Variants in BICDL1 observed in about 807,000 individuals in gnomAD.
The protein encoded by BICDL1 is BICD family-like cargo adapter 1.
BICDL1 carries 20 observed loss-of-function variants against 76.8 expected under a neutral mutation model. The ratio of observed to expected loss-of-function variants is 0.26; its 90% confidence interval spans 0.18 to 0.38. The LOEUF is 0.38. Ranked by LOEUF, BICDL1 falls within the 10% of genes least tolerant of loss-of-function variation. The pLI is 1.00. For missense variants in BICDL1, 700 were observed against 798.6 expected, an observed-to-expected ratio of 0.88 and a Z score of 1.49; for synonymous variants, 383 against 337.1, an observed-to-expected ratio of 1.14 and a Z score of -1.49.
At position 120,093,376 on chromosome 12, in the gene BICDL1, CCGCCTGGCCAAGCCCA is replaced by C. The variant is rs1875152409; in HGVS notation, c.*223_*238del. The stretch of plus-strand genomic sequence containing the variant: ...GCCACTGAAGGCTTCCCTTGGCCCA[CCGCCTGGCCAAGCCCA>C]CGCCTGGGCTTCTCCAGGACCACGT... On this transcript the variant is annotated 3_prime_UTR_variant, in exon 10 of 10. Transcript: ENST00000548673. 6.7e-6 allele frequency: 4 copies of C among 595,388 alleles called. No individual in the cohort carries two copies. The highest frequency in any genetic ancestry group is 3.1e-5 in the Admixed American group (1 of 32,232). The allele number at this position is 595,388 out of a possible 1,614,324, so 36.9% of individuals were successfully genotyped here.
In BICDL1 at chr12:120,074,190, C is replaced by T. The variant is rs142268113; in HGVS notation, c.1309-253C>T. Reference sequence around the variant, plus strand: ...GCCTCCCAAAGTGCTGGGATTACAGCGTGAGCCACTGCGCCCGGCCACAAT... The same window carrying T: ...GCCTCCCAAAGTGCTGGGATTACAGTGTGAGCCACTGCGCCCGGCCACAAT... On this transcript the variant is annotated intron_variant, in intron 6 of 9. Coordinates refer to ENST00000548673, the MANE Select transcript of BICDL1 (RefSeq NM_001367886.1). Among the ~76,000 whole-genome samples the T allele has an allele frequency of 2.1e-4, 32 of 152,226 alleles. No individual in the cohort carries two copies. The East Asian group carries it at 4.2e-3, about 20-fold the overall frequency.
Position 120,093,238 on chromosome 12 carries a change from C to T in BICDL1, c.*77C>T. The T allele has an allele frequency of 1.3e-6, 2 of 1,485,482 alleles. No individual in the cohort carries two copies. Among genetic ancestry groups the T allele is most frequent in the East Asian group, 2.5e-5 (1 of 40,472 alleles). 92.0% of individuals were successfully genotyped at this position (1,485,482 alleles called of 1,614,324 possible). A position where few individuals can be genotyped will look rare whatever the true frequency, so the allele number is the denominator to read the frequency against. On this transcript the variant is annotated 3_prime_UTR_variant, in exon 10 of 10. Transcript: ENST00000548673. The stretch of plus-strand genomic sequence containing the variant: ...GGCGGTGCAGGCAAGGCCTCCCCTG[C>T]AGCTTGCACCTCAGCAGCTGCCCTG...
intron 2 of BICDL1, among the ~76,000 whole-genome samples, chr12:120,059,325 A>G (rs1304199332): frequency 6.6e-6 from 1 of 152,072 alleles, no homozygotes; most frequent in Admixed American, 6.6e-5. Context: ...GCTGGAGTGC[A>G]GTGGCTCAAT....
intron 2 of BICDL1, among the ~76,000 whole-genome samples, chr12:120,043,978 C>G (rs185847964): frequency 6.6e-6 from 1 of 152,278 alleles, no homozygotes; most frequent in African/African-American, 2.4e-5. Flanking sequence ...ATAATGTAGT[C>G]ATTTTAACCG....
chr12:120,021,558 C>G (rs12320793), intron 2 of BICDL1, among the ~76,000 whole-genome samples: 29,766 of 132,982 alleles, frequency 0.22, 3,419 homozygotes, highest in East Asian at 0.41. Flanking sequence ...CTGCACTCCA[C>G]CCTGGGTGAC....
intron 2 of BICDL1, among the ~76,000 whole-genome samples, chr12:120,008,911 AGGGT>A (rs368909170): frequency 0.026 from 3,892 of 149,332 alleles, 75 homozygotes; most frequent in Non-Finnish European, 0.04. Flanking sequence ...TAAACACATT[AGGGT>A]GGTAATTGCT....
At chr12:120,015,280 T>A (rs755675385) in intron 2 of BICDL1, among the ~76,000 whole-genome samples, 7 of 152,208 alleles carry the variant, frequency 4.6e-5, no homozygotes, top group Non-Finnish European at 1.0e-4. Flanking sequence ...CAACTCTTAC[T>A]GCATTTAGGG....
rs1873070974 is a variant in BICDL1, at chr12:120,071,151, T to A, written c.910-471T>A. Among the ~76,000 whole-genome samples the A allele has an allele frequency of 6.6e-6, 1 of 152,090 alleles. No homozygotes were observed. Among genetic ancestry groups the A allele is most frequent in the South Asian group, 2.1e-4 (1 of 4,824 alleles). On this transcript the variant is annotated intron_variant, in intron 4 of 9. Coordinates refer to ENST00000548673, the MANE Select transcript of BICDL1 (RefSeq NM_001367886.1). This position sits in a 1 kb window ranked among gnomAD's most constrained non-coding sequence, Gnocchi z 4.8. ...CCTATAGAATTTTCTTTTTTCTTTTTTTCTTTTTTGAGGTGGCGTCTCGCA... is the reference window on the plus strand; with the variant it reads ...CCTATAGAATTTTCTTTTTTCTTTTATTCTTTTTTGAGGTGGCGTCTCGCA...
chr12:120,035,815 TC>T (rs1952520603), intron 2 of BICDL1, among the ~76,000 whole-genome samples: 9 of 152,168 alleles, frequency 5.9e-5, no homozygotes, highest in Admixed American at 5.9e-4. Flanking sequence ...GACCTCTTCT[TC>T]CCCCAAGAGG....
At chr12:120,064,013 T>A (rs913030596) in intron 3 of BICDL1, among the ~76,000 whole-genome samples, 1 of 152,222 alleles carries the variant, frequency 6.6e-6, no homozygotes, top group African/African-American at 2.4e-5. Context: ...TGACTAGGTA[T>A]TCAGTGTATA....
At chr12:120,004,592 G>T (rs1594102048) in intron 2 of BICDL1, among the ~76,000 whole-genome samples, 1 of 152,294 alleles carries the variant, frequency 6.6e-6, no homozygotes, top group East Asian at 1.9e-4. Context: ...GTGAAGGAGA[G>T]ACTGAAATAA....
At chr12:120,078,701 A>G (rs978173698) in intron 7 of BICDL1, among the ~76,000 whole-genome samples, 3 of 152,254 alleles carry the variant, frequency 2.0e-5, no homozygotes, top group Non-Finnish European at 4.4e-5. Context: ...CCTAAGGCAC[A>G]TGTCTGGTAG....
intron 7 of BICDL1, among the ~76,000 whole-genome samples, chr12:120,075,767 T>G (rs1220014754): frequency 6.6e-6 from 1 of 152,258 alleles, no homozygotes; most frequent in African/African-American, 2.4e-5. Flanking sequence ...GTCTTCCTGA[T>G]ATTTTCTTGG....
At chr12:120,080,183 A>G (rs1300469460) in intron 7 of BICDL1, among the ~76,000 whole-genome samples, 1 of 152,212 alleles carries the variant, frequency 6.6e-6, no homozygotes, top group Non-Finnish European at 1.5e-5. Context: ...GGGGCAGGGT[A>G]AGCTGTGGTC....
chr12:120,081,969 A>G (rs1164467238), intron 8 of BICDL1, among the ~76,000 whole-genome samples: 1 of 151,692 alleles, frequency 6.6e-6, no homozygotes, highest in Admixed American at 6.6e-5. Context: ...ACTTGAAAAA[A>G]ATAATTTCTT....
At chr12:120,013,437 A>AGTGTGT (rs1491225656) in intron 2 of BICDL1, among the ~76,000 whole-genome samples, 10 of 117,824 alleles carry the variant, frequency 8.5e-5, no homozygotes, top group African/African-American at 3.4e-4. Flanking sequence ...GTCTTTAACC[A>AGTGTGT]GAGTGTGTGT....
chr12:120,014,242 A>G (rs1157820117), intron 2 of BICDL1, among the ~76,000 whole-genome samples: 2 of 152,250 alleles, frequency 1.3e-5, no homozygotes, highest in African/African-American at 4.8e-5. Flanking sequence ...CCCTACATAG[A>G]ACCTACCTAC....
chr12:120,040,357 C>T (rs1294080517), intron 2 of BICDL1, among the ~76,000 whole-genome samples: 1 of 152,120 alleles, frequency 6.6e-6, no homozygotes, highest in Non-Finnish European at 1.5e-5. Context: ...TCCCAAAGTG[C>T]TGAGATTAAC....
At chr12:120,087,802 G>C (rs1287063611) in intron 8 of BICDL1, among the ~76,000 whole-genome samples, 1 of 152,200 alleles carries the variant, frequency 6.6e-6, no homozygotes, top group Non-Finnish European at 1.5e-5. Context: ...GGTGAACAAA[G>C]TAATACGTGA....
Sources: allele counts gnomAD v4.1 joint callset (sites outside exome capture counted in the v4.1 genomes callset), GRCh38; gene constraint gnomAD v4.1.1; non-coding constraint Gnocchi (gnomAD v3.1); transcripts MANE v1.5; gene names NCBI Gene and HGNC (gene_info 2026-07-23, HGNC 2026-07-21).